The following C1QTNF7 variants were observed in gnomAD, a reference collection of about 807,000 sequenced individuals.
C1QTNF7 encodes the protein C1q and TNF related 7, also known as complement C1q tumor necrosis factor-related protein 7.
C1QTNF7 carries 15 observed loss-of-function variants against 19.6 expected under a neutral mutation model. That is an observed-to-expected ratio of 0.76 (90% CI 0.51 to 1.18). The LOEUF is 1.18. C1QTNF7 is among the 50% of genes most tolerant of loss of function. The probability of loss-of-function intolerance (pLI) is 0.00; values close to 1 mark genes in which losing one functional copy is unlikely to be tolerated. For missense variants in C1QTNF7, 324 were observed against 359.7 expected (o/e 0.90, Z 0.80); for synonymous variants, 142 against 137.5 (o/e 1.03, Z -0.23).
At chr4:15,417,060 A>G (rs1719630899) in intron 1 of C1QTNF7, among the ~76,000 whole-genome samples, 1 of 152,208 alleles carries the variant, frequency 6.6e-6, no homozygotes, top group South Asian at 2.1e-4. Context: ...AAATTTAGCT[A>G]AATACCCACC....
intron 1 of C1QTNF7, among the ~76,000 whole-genome samples, chr4:15,359,289 A>G (rs1421999030): frequency 2.0e-5 from 3 of 152,182 alleles, no homozygotes; most frequent in Non-Finnish European, 4.4e-5. Flanking sequence ...GAGACCACAG[A>G]AAAAGGGAAA....
At chr4:15,353,234 T>C (rs187577831) in intron 1 of C1QTNF7, among the ~76,000 whole-genome samples, 1 of 152,274 alleles carries the variant, frequency 6.6e-6, no homozygotes, top group Non-Finnish European at 1.5e-5. Context: ...TTGTGTTGCC[T>C]TTTAAAAAAA....
intron 1 of C1QTNF7, among the ~76,000 whole-genome samples, chr4:15,376,226 G>A (rs182814388): frequency 1.3e-5 from 2 of 152,378 alleles, no homozygotes; most frequent in African/African-American, 4.8e-5. Flanking sequence ...GCTAAATAGG[G>A]TTGAACACTG....
At chr4:15,372,006 C>A (rs1717753123) in intron 1 of C1QTNF7, among the ~76,000 whole-genome samples, 1 of 152,108 alleles carries the variant, frequency 6.6e-6, no homozygotes, top group Non-Finnish European at 1.5e-5. Flanking sequence ...ATGAGGGGAG[C>A]AGGGTTCTTG....
chr4:15,403,271 T>G (rs1719061109), intron 1 of C1QTNF7, among the ~76,000 whole-genome samples: 1 of 152,220 alleles, frequency 6.6e-6, no homozygotes, highest in Admixed American at 6.5e-5. Flanking sequence ...AATGTTGGTC[T>G]CATTCTGTCT....
intron 1 of C1QTNF7, among the ~76,000 whole-genome samples, chr4:15,345,848 T>C (rs1026633501): frequency 6.6e-6 from 1 of 152,216 alleles, no homozygotes; most frequent in Non-Finnish European, 1.5e-5. Flanking sequence ...TTATATATAC[T>C]GTCTCTTTGT....
chr4:15,352,745 C>T (rs1716981279), intron 1 of C1QTNF7, among the ~76,000 whole-genome samples: 1 of 152,144 alleles, frequency 6.6e-6, no homozygotes. Flanking sequence ...AGTGGCCATT[C>T]TCAGCACTGT....
intron 1 of C1QTNF7, among the ~76,000 whole-genome samples, chr4:15,352,632 A>G (rs987097088): frequency 6.6e-5 from 10 of 152,196 alleles, no homozygotes; most frequent in Admixed American, 2.6e-4. Flanking sequence ...AGAGTGCTGG[A>G]TGGGCAAAAC....
chr4:15,340,046 T>G, exon 1 of C1QTNF7: 1 of 967,908 alleles, frequency 1.0e-6, no homozygotes, highest in Non-Finnish European at 1.6e-6. Flanking sequence ...GAGCACTTTA[T>G]TTTTCATCAA....
Position 15,442,397 on chromosome 4 carries a change from C to A in C1QTNF7, c.468C>A (p.Thr156=), listed in dbSNP as rs1241481954. The part of the protein sequence containing the change: ...LKSAFSVGIT[T]SYPEERLPII... Reference sequence around the variant, plus strand: ...CCGCCTTTTCTGTTGGCATCACAACCAGCTACCCAGAAGAAAGACTACCTA... The same window carrying A: ...CCGCCTTTTCTGTTGGCATCACAACAAGCTACCCAGAAGAAAGACTACCTA... The change falls in exon 3 of 3, where the codon ACC becomes ACA. Residue 156 remains threonine, a synonymous_variant. Transcript: ENST00000444304. The A allele has an allele frequency of 6.2e-7, 1 of 1,614,170 alleles. No homozygotes were observed. Among genetic ancestry groups the A allele is most frequent in the Non-Finnish European group, 8.5e-7 (1 of 1,180,020 alleles).
chr4:15,433,469 T>G (rs1056672136), intron 1 of C1QTNF7, among the ~76,000 whole-genome samples: 1 of 152,146 alleles, frequency 6.6e-6, no homozygotes, highest in African/African-American at 2.4e-5. Context: ...TGTATTAAAA[T>G]TCTTTAAAGA....
At chr4:15,401,882 G>C (rs1012652330) in intron 1 of C1QTNF7, among the ~76,000 whole-genome samples, 1 of 152,086 alleles carries the variant, frequency 6.6e-6, no homozygotes, top group Non-Finnish European at 1.5e-5. Context: ...AAGAAACAGT[G>C]TGATAAAAAT....
intron 1 of C1QTNF7, among the ~76,000 whole-genome samples, chr4:15,383,753 G>A (rs185909470): frequency 3.3e-5 from 5 of 152,332 alleles, no homozygotes; most frequent in East Asian, 3.9e-4. Context: ...TTTGGAAAGG[G>A]CTGATTTGCT....
intron 1 of C1QTNF7, among the ~76,000 whole-genome samples, chr4:15,350,249 G>A (rs1716875153): frequency 2.7e-5 from 2 of 73,126 alleles, no homozygotes; most frequent in African/African-American, 6.6e-5. Flanking sequence ...GAGGGAGGGA[G>A]GGAAGGAGAG....
intron 2 of C1QTNF7, among the ~76,000 whole-genome samples, chr4:15,441,291 G>T (rs1273268644): frequency 1.3e-5 from 2 of 152,174 alleles, no homozygotes; most frequent in African/African-American, 4.8e-5. Flanking sequence ...TTCCTCATTT[G>T]CAATGAAAGT....
intron 1 of C1QTNF7, among the ~76,000 whole-genome samples, chr4:15,378,400 A>AT (rs974401189): frequency 1.3e-5 from 2 of 152,226 alleles, no homozygotes; most frequent in Non-Finnish European, 2.9e-5. Flanking sequence ...TTAGTATCAT[A>AT]TGCCATAAGT....
chr4:15,384,759 C>T (rs4132788), intron 1 of C1QTNF7, among the ~76,000 whole-genome samples: 34,304 of 152,068 alleles, frequency 0.23, 4,399 homozygotes, highest in East Asian at 0.29. Flanking sequence ...CAAATGTTTC[C>T]GATTTTGACT....
intron 1 of C1QTNF7, among the ~76,000 whole-genome samples, chr4:15,405,069 C>T (rs991774022): frequency 1.3e-5 from 2 of 152,144 alleles, no homozygotes; most frequent in Non-Finnish European, 2.9e-5. Flanking sequence ...ACAGAAAATA[C>T]ACACAACCAT....
At chr4:15,415,289 G>T (rs995194354) in intron 1 of C1QTNF7, among the ~76,000 whole-genome samples, 2 of 152,150 alleles carry the variant, frequency 1.3e-5, no homozygotes, top group Non-Finnish European at 2.9e-5. Context: ...AACAAAAGAG[G>T]AGGAGGAGGA....
Sources: gnomAD v4.1 joint callset for allele counts (sites outside exome capture counted in the v4.1 genomes callset) on GRCh38, gnomAD v4.1.1 for gene constraint, MANE v1.5 for transcripts, NCBI Gene and HGNC (gene_info 2026-07-23, HGNC 2026-07-21) for gene names.